TMLHE: variants seen among roughly 807,000 people sequenced by gnomAD.
The protein encoded by TMLHE is trimethyllysine dioxygenase, mitochondrial.
TMLHE carries 18 observed loss-of-function variants against 25.7 expected under a neutral mutation model. That is an observed-to-expected ratio of 0.70 (90% CI 0.48 to 1.04). The LOEUF (loss-of-function observed/expected upper bound fraction) is 1.04. Ranked by LOEUF, TMLHE falls within the 50% of genes least tolerant of loss-of-function variation. TMLHE has a pLI of 0.00. For missense variants in TMLHE, 236 were observed against 259.0 expected (o/e 0.91, Z 0.61); for synonymous variants, 105 against 97.0 (o/e 1.08, Z -0.49).
chrX:155,580,765 T>A (rs1271894213), intron 1 of TMLHE, among the ~76,000 whole-genome samples: 1 of 111,602 alleles, frequency 9.0e-6, no homozygotes, highest in Non-Finnish European at 1.9e-5. Flanking sequence ...CTGGTACCAT[T>A]TCTTCTGAAA....
intron 1 of TMLHE, among the ~76,000 whole-genome samples, chrX:155,557,199 C>A (rs936402070): frequency 3.6e-5 from 4 of 112,120 alleles, no homozygotes; most frequent in Admixed American, 9.4e-5. Flanking sequence ...TAGGAAATCA[C>A]AAGGGTATTG....
chrX:155,603,370 G>T (rs1430461097), intron 1 of TMLHE, among the ~76,000 whole-genome samples: 1 of 10,970 alleles, frequency 9.1e-5, no homozygotes, highest in Non-Finnish European at 2.8e-4. Context: ...AAGAAAGAAT[G>T]AAAGAAAGAA....
chrX:155,529,211 C>T (rs2067236007), intron 2 of TMLHE, among the ~76,000 whole-genome samples: 1 of 111,104 alleles, frequency 9.0e-6, no homozygotes, highest in African/African-American at 3.3e-5. Context: ...GCCTAGTACA[C>T]TAATGTGTCT....
At chrX:155,515,704 A>G in intron 3 of TMLHE, among the ~76,000 whole-genome samples, 1 of 111,458 alleles carries the variant, frequency 9.0e-6, no homozygotes. Context: ...ATTTTAACTT[A>G]TTTGCTTACT....
chrX:155,541,380 C>A (rs1368896867), intron 2 of TMLHE, among the ~76,000 whole-genome samples: 4 of 111,534 alleles, frequency 3.6e-5, no homozygotes, highest in African/African-American at 1.3e-4. Flanking sequence ...TGAACTCATC[C>A]TTTTTTATGG....
chrX:155,515,808 C>A (rs1452271622), intron 3 of TMLHE, among the ~76,000 whole-genome samples: 3 of 109,977 alleles, frequency 2.7e-5, no homozygotes, highest in Non-Finnish European at 3.8e-5. Context: ...AAATCTGGTG[C>A]TTGGTTTTGT....
rs1352927257 is a variant in TMLHE at position 155,598,166 on chromosome X, A to C, written c.-2+14626T>G. 4.5e-5 allele frequency among the ~76,000 whole-genome samples: 5 copies of C among 111,842 alleles called. No homozygotes were observed. The East Asian group carries it at 1.4e-3, about 31-fold the overall frequency. On this transcript the variant is annotated intron_variant, in intron 1 of 7. Coordinates refer to ENST00000334398, the MANE Select transcript of TMLHE (RefSeq NM_018196.4). The stretch of plus-strand genomic sequence containing the variant: ...TTTAAAATTTTAAAATGACGACTTG[A>C]TGGAGATGAGTGCTTCCGAACCAGT...
At chrX:155,555,985 A>G (rs1291981075) in intron 1 of TMLHE, among the ~76,000 whole-genome samples, 1 of 110,428 alleles carries the variant, frequency 9.1e-6, no homozygotes, top group African/African-American at 3.3e-5. Context: ...GTTTTCTTCT[A>G]GGGTTTTTAT....
At chrX:155,509,511 G>A (rs1431404572) in intron 5 of TMLHE, among the ~76,000 whole-genome samples, 1 of 111,555 alleles carries the variant, frequency 9.0e-6, no homozygotes, top group Non-Finnish European at 1.9e-5. Flanking sequence ...TTTATCTCTG[G>A]TGTTGGTCAT....
At chrX:155,598,812 AC>A (rs1290726753) in intron 1 of TMLHE, among the ~76,000 whole-genome samples, 6 of 111,736 alleles carry the variant, frequency 5.4e-5, no homozygotes, top group African/African-American at 1.9e-4. Flanking sequence ...TGATATGGGC[AC>A]TGAAACTAAA....
At chrX:155,577,183 G>C (rs1158700256) in intron 1 of TMLHE, among the ~76,000 whole-genome samples, 2 of 112,109 alleles carry the variant, frequency 1.8e-5, no homozygotes, top group Non-Finnish European at 3.8e-5. Flanking sequence ...CCCCATTAAA[G>C]AGTGGGCAAA....
intron 1 of TMLHE, among the ~76,000 whole-genome samples, chrX:155,565,532 G>C (rs2067509286): frequency 1.6e-5 from 1 of 61,724 alleles, no homozygotes; most frequent in African/African-American, 3.6e-5. Flanking sequence ...AGGCACACTG[G>C]GGTGGCATTA....
chrX:155,555,165 A>ATGG (rs1318972529), intron 1 of TMLHE, among the ~76,000 whole-genome samples: 1 of 75,853 alleles, frequency 1.3e-5, no homozygotes, highest in African/African-American at 4.1e-5. Context: ...TTTGCTGAGA[A>ATGG]TGGTTTCCAG....
chrX:155,535,772 T>C (rs782078029), intron 2 of TMLHE, among the ~76,000 whole-genome samples: 1 of 112,033 alleles, frequency 8.9e-6, no homozygotes. Context: ...GTCAGAATAC[T>C]CTTTCCAATG....
At chrX:155,581,829 A>G (rs946568520) in intron 1 of TMLHE, among the ~76,000 whole-genome samples, 2 of 112,160 alleles carry the variant, frequency 1.8e-5, no homozygotes, top group Admixed American at 1.9e-4. Context: ...ACTACTTTAA[A>G]GTCCATATGG....
intron 1 of TMLHE, among the ~76,000 whole-genome samples, chrX:155,609,781 C>T (rs1202894486): frequency 8.9e-6 from 1 of 111,761 alleles, no homozygotes; most frequent in Non-Finnish European, 1.9e-5. Flanking sequence ...TAAAAAGATG[C>T]TCAATTAGCC....
chrX:155,551,276 G>A (rs973338614), intron 1 of TMLHE, among the ~76,000 whole-genome samples: 14 of 108,930 alleles, frequency 1.3e-4, no homozygotes, highest in Non-Finnish European at 1.9e-4. Flanking sequence ...TTTGTTACAT[G>A]TGTATACATG....
At chrX:155,553,877 C>T (rs2067431213) in intron 1 of TMLHE, among the ~76,000 whole-genome samples, 2 of 110,452 alleles carry the variant, frequency 1.8e-5, no homozygotes, top group Admixed American at 1.9e-4. Flanking sequence ...AAGTGTAGCA[C>T]AAATTAGAGG....
At chrX:155,597,930 G>T (rs1225862447) in intron 1 of TMLHE, among the ~76,000 whole-genome samples, 1 of 110,605 alleles carries the variant, frequency 9.0e-6, no homozygotes, top group Admixed American at 9.6e-5. Flanking sequence ...ATAGAACAAG[G>T]CATGAAAGCC....
Sources: allele counts gnomAD v4.1 joint callset (sites outside exome capture counted in the v4.1 genomes callset), GRCh38; gene constraint gnomAD v4.1.1; transcripts MANE v1.5; gene names NCBI Gene and HGNC (gene_info 2026-07-23, HGNC 2026-07-21).